Variants in FBXL20 observed in about 807,000 individuals in gnomAD.
The protein encoded by FBXL20 is F-box and leucine rich repeat protein 20, also known as F-box/LRR-repeat protein 20.
In FBXL20, 11 loss-of-function variants were observed where a neutral mutation model predicts 64.0. The observed-to-expected ratio is 0.17, with a 90% CI of 0.11 to 0.28. The LOEUF is 0.28. Ranked by LOEUF, FBXL20 falls within the 10% of genes least tolerant of loss-of-function variation. FBXL20 has a pLI of 1.00. For synonymous variants in FBXL20, 184 were observed against 189.0 expected (o/e 0.97, Z 0.22); for missense variants, 303 against 526.2 (o/e 0.58, Z 4.15).
chr17:39,373,093 C>G (rs1185225044), intron 1 of FBXL20, among the ~76,000 whole-genome samples: 5 of 151,484 alleles, frequency 3.3e-5, no homozygotes, highest in African/African-American at 7.3e-5. Context: ...ATATAGAAAC[C>G]TACCCATTTT....
chr17:39,319,415 G>A (rs1030760340), intron 2 of FBXL20, among the ~76,000 whole-genome samples: 2 of 152,096 alleles, frequency 1.3e-5, no homozygotes, highest in East Asian at 3.9e-4. Context: ...GGCTGGGCAC[G>A]GTGGCTCACG....
At chr17:39,402,363 G>A, upstream of FBXL20, 1 of 510,648 alleles carries the variant, frequency 2.0e-6, no homozygotes. Flanking sequence ...TGGGGGGCCG[G>A]GGCCGGACGC....
chr17:39,393,084 T>A (rs1318448239), intron 1 of FBXL20, among the ~76,000 whole-genome samples: 1 of 151,550 alleles, frequency 6.6e-6, no homozygotes, highest in East Asian at 1.9e-4. Context: ...AGGTCAAGAG[T>A]TTGAGACCAG....
At chr17:39,274,849 T>C in intron 10 of FBXL20, 121 bp downstream of exon 10, 1 of 1,266,696 alleles carries the variant, frequency 7.9e-7, no homozygotes, top group Non-Finnish European at 1.1e-6. Context: ...TAAAAGGGAC[T>C]ACCTTAAAAT....
chr17:39,325,069 G>A lies in FBXL20; in HGVS notation c.104+18111C>T, dbSNP rs140881067. Among the ~76,000 whole-genome samples, 156 of 152,216 alleles carry A rather than the reference G, an allele frequency of 1.0e-3. 1 individual carries two copies. The highest frequency in any genetic ancestry group is 3.4e-3 in the African/African-American group (143 of 41,538). On this transcript the variant is annotated intron_variant, in intron 2 of 14. Transcript: ENST00000264658. ...CAAAAAATACAAAAATTAGCCGGGCGTGGTGGCAGGCACCTGTAGTCCTAG... is the reference window on the plus strand; with the variant it reads ...CAAAAAATACAAAAATTAGCCGGGCATGGTGGCAGGCACCTGTAGTCCTAG...
chr17:39,280,014 C>A (rs34518782), intron 9 of FBXL20, among the ~76,000 whole-genome samples: 1 of 152,034 alleles, frequency 6.6e-6, no homozygotes, highest in South Asian at 2.1e-4. Context: ...AAACCCATCT[C>A]TACTAAAAAT....
intron 7 of FBXL20, among the ~76,000 whole-genome samples, chr17:39,284,115 G>T (rs184829161): frequency 6.2e-4 from 94 of 152,160 alleles, no homozygotes; most frequent in Non-Finnish European, 1.2e-3. Flanking sequence ...TATCTTACTC[G>T]GTTACATCTC....
In FBXL20 at chr17:39,255,857, A is replaced by C. The variant is rs2046690686; in HGVS notation, c.*5603T>G. The C allele has an allele frequency of 6.6e-6, 1 of 152,124 alleles. No individual in the cohort carries two copies. The highest frequency in any genetic ancestry group is 1.5e-5 in the Non-Finnish European group (1 of 68,036). The allele number at this position is 152,124 out of a possible 1,614,324, so 9.4% of individuals were successfully genotyped here. A position where few individuals can be genotyped will look rare whatever the true frequency, so the allele number is the denominator to read the frequency against. ...AAAAAAAAGTTTATCCCAAGTGAGA[A>C]GGCAAGGTTAGTAACCTAGTAACCT... is the stretch of plus-strand genomic sequence containing the variant. On this transcript the variant is annotated 3_prime_UTR_variant, in exon 15 of 15. Transcript: ENST00000264658.
chr17:39,347,072 T>G (rs575465611), intron 1 of FBXL20, among the ~76,000 whole-genome samples: 1 of 152,356 alleles, frequency 6.6e-6, no homozygotes, highest in South Asian at 2.1e-4. Context: ...TGCCACATTT[T>G]CTTAATCCAG....
chr17:39,367,386 G>A (rs1249347293), intron 1 of FBXL20, among the ~76,000 whole-genome samples: 36 of 146,766 alleles, frequency 2.5e-4, no homozygotes, highest in African/African-American at 8.8e-4. Context: ...GCGCAATCTC[G>A]GCTCACTGCA....
chr17:39,279,789 T>G (rs546402745), intron 9 of FBXL20, among the ~76,000 whole-genome samples: 1 of 151,954 alleles, frequency 6.6e-6, no homozygotes, highest in Non-Finnish European at 1.5e-5. Flanking sequence ...TCCCAACTAC[T>G]AGGGAGGCTG....
At chr17:39,398,032 CCGGCGGG>C (rs1348663876) in intron 1 of FBXL20, among the ~76,000 whole-genome samples, 275 of 9,106 alleles carry the variant, frequency 0.03, 19 homozygotes, top group African/African-American at 0.12. Flanking sequence ...CTTTGGGAGG[CCGGCGGG>C]CGGGGGGGGG....
intron 1 of FBXL20, among the ~76,000 whole-genome samples, chr17:39,383,940 A>G (rs1462497883): frequency 6.6e-6 from 1 of 152,040 alleles, no homozygotes; most frequent in Non-Finnish European, 1.5e-5. Context: ...AATTTTATAC[A>G]TAAAATTTAC....
chr17:39,382,436 C>G (rs1189024938), intron 1 of FBXL20, among the ~76,000 whole-genome samples: 1 of 126,720 alleles, frequency 7.9e-6, no homozygotes, highest in Non-Finnish European at 1.6e-5. Flanking sequence ...GAGAGAGACT[C>G]CATCTCAAAA....
At chr17:39,288,622 G>C (rs898205878) in intron 6 of FBXL20, among the ~76,000 whole-genome samples, 8 of 151,758 alleles carry the variant, frequency 5.3e-5, no homozygotes, top group Non-Finnish European at 8.8e-5. Flanking sequence ...GGCCTTTTCC[G>C]ATTATTATTT....
At chr17:39,359,570 T>A (rs1222392334) in intron 1 of FBXL20, among the ~76,000 whole-genome samples, 1 of 151,550 alleles carries the variant, frequency 6.6e-6, no homozygotes, top group Non-Finnish European at 1.5e-5. Flanking sequence ...GCAACTGCAC[T>A]CCGGCCTGGG....
chr17:39,356,214 CAAAAA>C (rs56838813), intron 1 of FBXL20, among the ~76,000 whole-genome samples: 4 of 75,864 alleles, frequency 5.3e-5, no homozygotes. Flanking sequence ...GACTCCATCT[CAAAAA>C]AAAAAAAAAA....
At chr17:39,332,581 GCC>G in intron 2 of FBXL20, among the ~76,000 whole-genome samples, 1 of 130,366 alleles carries the variant, frequency 7.7e-6, no homozygotes, top group South Asian at 2.4e-4. Context: ...CTCGCTCTGT[GCC>G]CAGGCTGGAG....
chr17:39,351,453 C>A (rs1174307048), intron 1 of FBXL20, among the ~76,000 whole-genome samples: 2 of 151,572 alleles, frequency 1.3e-5, no homozygotes, highest in African/African-American at 4.8e-5. Context: ...ACAACTATTT[C>A]ATAAAAGCAA....
Sources: allele counts gnomAD v4.1 joint callset (sites outside exome capture counted in the v4.1 genomes callset), GRCh38; gene constraint gnomAD v4.1.1; transcripts MANE v1.5; gene names NCBI Gene and HGNC (gene_info 2026-07-23, HGNC 2026-07-21).